Variants in C1orf94 observed in about 807,000 individuals in gnomAD.
C1orf94 encodes uncharacterized protein C1orf94.
C1orf94 carries 45 observed loss-of-function variants against 53.6 expected under a neutral mutation model. That is an observed-to-expected ratio of 0.84 (90% CI 0.66 to 1.08). The LOEUF (loss-of-function observed/expected upper bound fraction) is 1.08. Among genes scored for constraint, C1orf94 ranks in the 50% least tolerant of loss-of-function variants. C1orf94 has a pLI of 0.00. For synonymous variants in C1orf94, 304 were observed against 296.1 expected (o/e 1.03, Z -0.27); for missense variants, 762 against 738.9 (o/e 1.03, Z -0.36).
At chr1:34,176,129 G>A (rs1035145080), upstream of C1orf94, among the ~76,000 whole-genome samples, 1 of 152,078 alleles carries the variant, frequency 6.6e-6, no homozygotes, top group Non-Finnish European at 1.5e-5. Flanking sequence ...AGGAGGGGTT[G>A]CATCAGTACT....
intron 6 of C1orf94, among the ~76,000 whole-genome samples, chr1:34,216,198 G>T (rs938835780): frequency 6.6e-6 from 1 of 152,090 alleles, no homozygotes; most frequent in Non-Finnish European, 1.5e-5. Flanking sequence ...GGAGAGGTTG[G>T]GGCTGGTAAT....
chr1:34,187,773 C>T (rs1460137346), intron 1 of C1orf94, among the ~76,000 whole-genome samples: 8 of 54,048 alleles, frequency 1.5e-4, no homozygotes, highest in African/African-American at 5.6e-4. Flanking sequence ...CCACCCACCC[C>T]CCCCCCCCCG....
chr1:34,200,688 C>G, intron 2 of C1orf94, 84 bp from the exon 3 acceptor site: 1 of 1,556,066 alleles, frequency 6.4e-7, no homozygotes, highest in South Asian at 1.2e-5. Flanking sequence ...GCAGAGGATT[C>G]ATCATTTAGT....
chr1:34,169,683 A>T (rs1051207419), intron 1 of C1orf94, among the ~76,000 whole-genome samples: 5 of 151,444 alleles, frequency 3.3e-5, no homozygotes, highest in African/African-American at 1.2e-4. Flanking sequence ...ATAGAGGCCA[A>T]GGGGCAGGCA....
intron 1 of C1orf94, among the ~76,000 whole-genome samples, chr1:34,188,236 C>T (rs925406096): frequency 6.6e-6 from 1 of 152,108 alleles, no homozygotes; most frequent in Non-Finnish European, 1.5e-5. Flanking sequence ...GATGACAAAA[C>T]CTTAGGCTTA....
At chr1:34,203,043 T>C (rs1047288955) in intron 4 of C1orf94, among the ~76,000 whole-genome samples, 1 of 152,380 alleles carries the variant, frequency 6.6e-6, no homozygotes, top group Non-Finnish European at 1.5e-5. Context: ...TGCCATTTTA[T>C]ATTAGGGACT....
At chr1:34,200,397 A>G (rs1476748616) in intron 2 of C1orf94, among the ~76,000 whole-genome samples, 9 of 152,210 alleles carry the variant, frequency 5.9e-5, no homozygotes. Context: ...TAAAGGAATG[A>G]TGGAAGGAAG....
chr1:34,211,126 G>C (rs906996310), intron 5 of C1orf94, among the ~76,000 whole-genome samples: 2 of 152,048 alleles, frequency 1.3e-5, no homozygotes, highest in South Asian at 4.2e-4. Context: ...CATCAGCTCC[G>C]TATGAGAAAA....
At chr1:34,183,158 G>T (rs1370257400) in intron 1 of C1orf94, among the ~76,000 whole-genome samples, 2 of 152,234 alleles carry the variant, frequency 1.3e-5, no homozygotes, top group Non-Finnish European at 2.9e-5. Context: ...AAGAAATGGG[G>T]AGCAATGGGT....
At chr1:34,172,589 G>A (rs556262963), upstream of C1orf94, among the ~76,000 whole-genome samples, 20 of 152,240 alleles carry the variant, frequency 1.3e-4, no homozygotes, top group Non-Finnish European at 2.1e-4. Flanking sequence ...GCCACCACCC[G>A]AGCTCTTAAC....
chr1:34,194,216 A>C (rs1002462016), intron 1 of C1orf94, among the ~76,000 whole-genome samples: 9 of 152,352 alleles, frequency 5.9e-5, no homozygotes, highest in Middle Eastern at 6.8e-3. Flanking sequence ...TGCTGTGAGC[A>C]TTTCTCGAGG....
rs558948248 is a variant in C1orf94, at chr1:34,195,299, C to T, written c.321-1926C>T. On this transcript the variant is annotated intron_variant, in intron 1 of 6. Coordinates refer to ENST00000488417, the MANE Select transcript of C1orf94 (RefSeq NM_001134734.2). ...GTACCAGTGACCTCGCCCAATGCTC[C>T]CAACCATCCCATGAGGCAGGTGATG... Among the ~76,000 whole-genome samples, 3 of 152,254 alleles carry T rather than the reference C, an allele frequency of 2.0e-5. No individual in the cohort carries two copies. In the South Asian group the frequency reaches 6.2e-4, roughly 32 times the overall value.
chr1:34,215,456 A>G (rs1642969510), intron 6 of C1orf94, among the ~76,000 whole-genome samples: 1 of 152,228 alleles, frequency 6.6e-6, no homozygotes, highest in African/African-American at 2.4e-5. Context: ...CAATGTCTGA[A>G]GAATGGACTA....
chr1:34,173,184 C>T (rs74068106), upstream of C1orf94, among the ~76,000 whole-genome samples: 540 of 152,280 alleles, frequency 3.5e-3, 4 homozygotes, highest in Middle Eastern at 0.014. Context: ...CAAGATTTCT[C>T]GAGTAGGCAC....
intron 1 of C1orf94, 149 bp downstream of exon 1, chr1:34,178,258 T>C: frequency 2.2e-6 from 2 of 898,858 alleles, no homozygotes; most frequent in Non-Finnish European, 1.6e-6. Context: ...CCAAGCTTTA[T>C]AGAAGAGCTG....
chr1:34,182,068 C>T (rs970877060), intron 1 of C1orf94, among the ~76,000 whole-genome samples: 10 of 152,210 alleles, frequency 6.6e-5, no homozygotes, highest in Non-Finnish European at 1.3e-4. Flanking sequence ...GTGGCACACA[C>T]CTGTAGTTCT....
At chr1:34,187,417 T>G (rs528976952) in intron 1 of C1orf94, among the ~76,000 whole-genome samples, 1 of 152,272 alleles carries the variant, frequency 6.6e-6, no homozygotes, top group Non-Finnish European at 1.5e-5. Flanking sequence ...AGATGAATCA[T>G]GATTAACGTC....
intron 1 of C1orf94, among the ~76,000 whole-genome samples, chr1:34,169,312 C>T (rs1571330380): frequency 6.6e-6 from 1 of 152,056 alleles, no homozygotes; most frequent in African/African-American, 2.4e-5. Flanking sequence ...GGTCTCAGCC[C>T]AGCCCCAAGT....
At chr1:34,194,636 C>G (rs1430304564) in intron 1 of C1orf94, among the ~76,000 whole-genome samples, 2 of 152,154 alleles carry the variant, frequency 1.3e-5, no homozygotes, top group Non-Finnish European at 2.9e-5. Context: ...CTTGTTTCAT[C>G]TATTACTCCC....
Sources: gnomAD v4.1 joint callset for allele counts (sites outside exome capture counted in the v4.1 genomes callset) on GRCh38, gnomAD v4.1.1 for gene constraint, MANE v1.5 for transcripts, NCBI Gene and HGNC (gene_info 2026-07-23, HGNC 2026-07-21) for gene names.